ESRRG: variants seen among roughly 807,000 people sequenced by gnomAD.
ESRRG encodes the protein estrogen related receptor gamma.
In ESRRG, 13 loss-of-function variants were observed where a neutral mutation model predicts 44.0. That is an observed-to-expected ratio of 0.30 (90% confidence interval 0.19 to 0.47). The LOEUF is 0.47. ESRRG is among the 20% of genes least tolerant of loss of function. The pLI is 1.00. For synonymous variants in ESRRG, 215 were observed against 214.6 expected, an observed-to-expected ratio of 1.00 and a Z score of -0.02; for missense variants, 395 against 580.6, an observed-to-expected ratio of 0.68 and a Z score of 3.29.
chr1:216,630,273 C>G (rs2063912611), intron 3 of ESRRG, among the ~76,000 whole-genome samples: 1 of 152,098 alleles, frequency 6.6e-6, no homozygotes, highest in South Asian at 2.1e-4. Flanking sequence ...CTTCAGTGCT[C>G]TAAATCACAA....
At chr1:216,669,087 T>C (rs1353781956) in intron 2 of ESRRG, among the ~76,000 whole-genome samples, 1 of 149,758 alleles carries the variant, frequency 6.7e-6, no homozygotes, top group Non-Finnish European at 1.5e-5. Context: ...TGTTTTTTTA[T>C]ATTTTTAAAC....
Position 216,876,280 on chromosome 1 carries a change from C to G in ESRRG, c.-14+63302G>C, listed in dbSNP as rs2096350979. Among the ~76,000 whole-genome samples the G allele has an allele frequency of 2.6e-5, 4 of 152,100 alleles. No homozygotes were observed. The South Asian group carries it at 8.3e-4, about 31-fold the overall frequency. ...AATAGATCTTAAAATGTAAGTACTA[C>G]AAACATTTTTGAAAAGTTTTAAATA... On this transcript the variant is annotated intron_variant, in intron 2 of 7. Coordinates refer to the ESRRG transcript ENST00000359162.
At chr1:216,829,161 T>A (rs1268287666) in intron 2 of ESRRG, among the ~76,000 whole-genome samples, 1 of 152,190 alleles carries the variant, frequency 6.6e-6, no homozygotes, top group Non-Finnish European at 1.5e-5. Flanking sequence ...TTTGTTTTGC[T>A]AACCTGTGAA....
At chr1:216,690,305 C>T (rs2078829758) in intron 1 of ESRRG, among the ~76,000 whole-genome samples, 1 of 151,658 alleles carries the variant, frequency 6.6e-6, no homozygotes, top group African/African-American at 2.4e-5. Context: ...TAAACGAGTC[C>T]TAGTCAAAGA....
intron 2 of ESRRG, among the ~76,000 whole-genome samples, chr1:216,658,919 T>C (rs1316642711): frequency 7.6e-6 from 1 of 131,652 alleles, no homozygotes; most frequent in Non-Finnish European, 1.6e-5. Flanking sequence ...AGAAGAGAAA[T>C]AAAGAAAAGA....
intron 2 of ESRRG, among the ~76,000 whole-genome samples, chr1:216,850,278 T>C (rs1343054536): frequency 6.6e-6 from 1 of 152,152 alleles, no homozygotes; most frequent in Non-Finnish European, 1.5e-5. Context: ...ATTTTTGCTT[T>C]CTACCAATGT....
At chr1:216,773,539 A>G (rs1469879596) in intron 2 of ESRRG, among the ~76,000 whole-genome samples, 1 of 152,118 alleles carries the variant, frequency 6.6e-6, no homozygotes, top group African/African-American at 2.4e-5. Context: ...GTGGTATTAC[A>G]TAGACTTAAT....
intron 2 of ESRRG, among the ~76,000 whole-genome samples, chr1:216,753,982 T>C (rs1559513238): frequency 1.3e-5 from 2 of 152,074 alleles, no homozygotes; most frequent in South Asian, 4.1e-4. Flanking sequence ...CTCCACTCAG[T>C]GTTATCAACT....
At chr1:217,053,133 T>TAAAAAAA (rs71303007) in intron 1 of ESRRG, among the ~76,000 whole-genome samples, 26 of 119,002 alleles carry the variant, frequency 2.2e-4, no homozygotes, top group East Asian at 5.2e-4. Flanking sequence ...AATCCCATCT[T>TAAAAAAA]AAAAAAAAAA....
chr1:217,112,935 T>A (rs907400941), intron 1 of ESRRG, among the ~76,000 whole-genome samples: 1 of 152,160 alleles, frequency 6.6e-6, no homozygotes, highest in Non-Finnish European at 1.5e-5. Flanking sequence ...AGGAGCCTCA[T>A]ATAGGACTCA....
chr1:216,667,033 C>T lies in ESRRG; in HGVS notation c.472+10043G>A, dbSNP rs72737379. On this transcript the variant is annotated intron_variant, in intron 2 of 6. Coordinates refer to ENST00000408911, the MANE Select transcript of ESRRG (RefSeq NM_001438.4). Reference sequence around the variant, plus strand: ...AACAGGTACGTTTGAGTAACCCAGACGGGTCAGGATAGGGGATGCTCCCAC... The same window carrying T: ...AACAGGTACGTTTGAGTAACCCAGATGGGTCAGGATAGGGGATGCTCCCAC... Among the ~76,000 whole-genome samples the T allele has an allele frequency of 1.4e-3, 217 of 152,194 alleles. 1 individual carries two copies. Among genetic ancestry groups the T allele is most frequent in the Non-Finnish European group, 2.4e-3 (165 of 67,998 alleles).
chr1:217,103,108 G>C (rs1013074423), intron 1 of ESRRG, among the ~76,000 whole-genome samples: 1 of 150,812 alleles, frequency 6.6e-6, no homozygotes, highest in Non-Finnish European at 1.5e-5. Context: ...TTGGATTGGA[G>C]ATTTGTCTTG....
At chr1:216,726,826 A>C (rs1425529302), upstream of ESRRG, among the ~76,000 whole-genome samples, 1 of 152,204 alleles carries the variant, frequency 6.6e-6, no homozygotes, top group East Asian at 1.9e-4. Flanking sequence ...ACAGTCACCA[A>C]GCAGAGAATA....
chr1:217,057,617 GA>G (rs1315370632), intron 1 of ESRRG, among the ~76,000 whole-genome samples: 1 of 151,642 alleles, frequency 6.6e-6, no homozygotes, highest in Non-Finnish European at 1.5e-5. Context: ...AACTAAACTA[GA>G]AAAAAATAAA....
intron 5 of ESRRG, among the ~76,000 whole-genome samples, chr1:216,525,882 T>C (rs2047503590): frequency 6.6e-6 from 1 of 152,090 alleles, no homozygotes. Context: ...AGAAAACCAG[T>C]CCCACTTTGG....
intron 3 of ESRRG, among the ~76,000 whole-genome samples, chr1:216,604,344 G>A (rs2059648451): frequency 6.6e-6 from 1 of 152,320 alleles, no homozygotes; most frequent in East Asian, 1.9e-4. Context: ...AAAGCCAGTG[G>A]CCAGTGCTCG....
chr1:216,559,486 TG>T (rs1212829422), intron 5 of ESRRG, among the ~76,000 whole-genome samples: 1 of 152,218 alleles, frequency 6.6e-6, no homozygotes, highest in African/African-American at 2.4e-5. Flanking sequence ...ATTTTTCAAG[TG>T]CCAATGATAC....
intron 3 of ESRRG, among the ~76,000 whole-genome samples, chr1:216,612,477 C>G (rs958934763): frequency 6.6e-6 from 1 of 152,134 alleles, no homozygotes; most frequent in African/African-American, 2.4e-5. Flanking sequence ...TGTTGGCACT[C>G]TTTTATCACT....
intron 1 of ESRRG, among the ~76,000 whole-genome samples, chr1:217,102,898 C>T (rs996071046): frequency 2.0e-5 from 3 of 152,066 alleles, no homozygotes; most frequent in Non-Finnish European, 4.4e-5. Flanking sequence ...GAAGGCTAAG[C>T]ACAAGCTGAG....
Sources: gnomAD v4.1 joint callset for allele counts (sites outside exome capture counted in the v4.1 genomes callset) on GRCh38, gnomAD v4.1.1 for gene constraint, MANE v1.5 for transcripts, NCBI Gene and HGNC (gene_info 2026-07-23, HGNC 2026-07-21) for gene names.